The following RBFOX1 variants were observed in gnomAD, a reference collection of about 807,000 sequenced individuals.
RBFOX1 encodes RNA binding fox-1 homolog 1.
Under a neutral mutation model 57.7 loss-of-function variants are expected in RBFOX1, and 8 were observed. The ratio of observed to expected loss-of-function variants is 0.14; its 90% CI spans 0.08 to 0.25. The LOEUF is 0.25. Ranked by LOEUF, RBFOX1 falls within the 10% of genes least tolerant of loss-of-function variation. RBFOX1 has a pLI of 1.00. For synonymous variants in RBFOX1, 326 were observed against 222.4 expected, an observed-to-expected ratio of 1.47 and a Z score of -4.15; for missense variants, 611 against 548.5, an observed-to-expected ratio of 1.11 and a Z score of -1.14.
At chr16:6,019,022 C>G, upstream of RBFOX1, 1 of 902,770 alleles carries the variant, frequency 1.1e-6, no homozygotes, top group Non-Finnish European at 1.3e-6. The surrounding 1 kb of genome is among the most constrained non-coding windows in gnomAD (Gnocchi z 4.2). Context: ...CCCTCGCGCA[C>G]CAGATTATTT....
At chr16:5,440,964 G>A (rs2068066689) in intron 1 of RBFOX1, among the ~76,000 whole-genome samples, 1 of 152,170 alleles carries the variant, frequency 6.6e-6, no homozygotes, top group East Asian at 1.9e-4. Context: ...CTTCTCCCAA[G>A]CAGCAAACTC....
intron 1 of RBFOX1, among the ~76,000 whole-genome samples, chr16:5,249,560 C>G (rs1198224840): frequency 1.3e-5 from 2 of 152,220 alleles, no homozygotes; most frequent in Non-Finnish European, 2.9e-5. Flanking sequence ...CCTTTCCTGC[C>G]TTGGACTCTT....
chr16:6,150,973 T>A (rs946225065), intron 1 of RBFOX1, among the ~76,000 whole-genome samples: 2 of 152,200 alleles, frequency 1.3e-5, no homozygotes, highest in Non-Finnish European at 2.9e-5. Context: ...TCTCCCAGCT[T>A]AGATGTTCCT....
At chr16:6,363,275 C>A in intron 2 of RBFOX1, among the ~76,000 whole-genome samples, 1 of 152,068 alleles carries the variant, frequency 6.6e-6, no homozygotes, top group East Asian at 1.9e-4. Context: ...ACCTGTTGTA[C>A]AACTCAATGG....
chr16:7,594,966 A>C (rs1264101421), intron 7 of RBFOX1, among the ~76,000 whole-genome samples: 1 of 152,200 alleles, frequency 6.6e-6, no homozygotes, highest in Non-Finnish European at 1.5e-5. Flanking sequence ...TATTATAAAA[A>C]AGGTCTTTCC....
At chr16:7,447,628 A>G (rs767281457) in intron 4 of RBFOX1, among the ~76,000 whole-genome samples, 56 of 152,326 alleles carry the variant, frequency 3.7e-4, no homozygotes, top group Non-Finnish European at 7.1e-4. Flanking sequence ...AAAGTGGTCA[A>G]GAGCTGTATC....
intron 4 of RBFOX1, among the ~76,000 whole-genome samples, chr16:7,348,397 A>T (rs866909978): frequency 2.0e-5 from 3 of 148,818 alleles, no homozygotes; most frequent in Admixed American, 6.7e-5. Flanking sequence ...AAATTAATGA[A>T]TTTTTTTTTT....
chr16:5,450,726 C>A (rs1193980847), intron 1 of RBFOX1, among the ~76,000 whole-genome samples: 1 of 152,198 alleles, frequency 6.6e-6, no homozygotes, highest in Non-Finnish European at 1.5e-5. Flanking sequence ...GCTCTGATGC[C>A]TTGCTGGGAG....
chr16:6,891,393 G>A (rs2065377235), intron 3 of RBFOX1, among the ~76,000 whole-genome samples: 1 of 152,030 alleles, frequency 6.6e-6, no homozygotes, highest in South Asian at 2.1e-4. Flanking sequence ...ACCCAGTTCT[G>A]AAAACCCAGA....
chr16:7,583,572 G>A (rs188353085), intron 6 of RBFOX1, among the ~76,000 whole-genome samples: 5 of 152,324 alleles, frequency 3.3e-5, no homozygotes, highest in Non-Finnish European at 5.9e-5. Context: ...CAGATGGATG[G>A]ATGTTCTGGA....
chr16:5,394,666 A>G (rs892480097), intron 1 of RBFOX1, among the ~76,000 whole-genome samples: 1 of 150,452 alleles, frequency 6.6e-6, no homozygotes, highest in African/African-American at 2.5e-5. Context: ...GGCCCAAGCA[A>G]TCCTCCTAAG....
At chr16:7,294,213 T>A (rs937947224) in intron 4 of RBFOX1, among the ~76,000 whole-genome samples, 2 of 152,000 alleles carry the variant, frequency 1.3e-5, no homozygotes, top group Non-Finnish European at 2.9e-5. Context: ...ACTTAGCTGT[T>A]TTTGTCTCTG....
At chr16:6,749,854 T>C (rs901722922) in intron 3 of RBFOX1, among the ~76,000 whole-genome samples, 2 of 152,184 alleles carry the variant, frequency 1.3e-5, no homozygotes, top group Non-Finnish European at 2.9e-5. Flanking sequence ...CTTGAAATAA[T>C]AGTCAGCAGG....
At chr16:6,061,129 A>G (rs1033161479) in intron 1 of RBFOX1, among the ~76,000 whole-genome samples, 3 of 152,176 alleles carry the variant, frequency 2.0e-5, no homozygotes, top group Non-Finnish European at 4.4e-5. Flanking sequence ...CCCTAGTCCA[A>G]TCTGCTGGAC....
At chr16:5,952,718 G>T (rs527700137) in intron 4 of RBFOX1, among the ~76,000 whole-genome samples, 18 of 152,120 alleles carry the variant, frequency 1.2e-4, no homozygotes, top group Admixed American at 3.3e-4. Flanking sequence ...ATTCTTCCAC[G>T]GATGGGCATC....
chr16:7,036,474 GC>G (rs2044464632), intron 3 of RBFOX1, among the ~76,000 whole-genome samples: 1 of 152,008 alleles, frequency 6.6e-6, no homozygotes, highest in Non-Finnish European at 1.5e-5. Context: ...ACTTTGGGAG[GC>G]TGAGGCAGGC....
At chr16:6,710,292 A>T (rs761278415) in intron 3 of RBFOX1, among the ~76,000 whole-genome samples, 1 of 152,232 alleles carries the variant, frequency 6.6e-6, no homozygotes, top group Non-Finnish European at 1.5e-5. Context: ...TTAAAGCTGC[A>T]TATGTACTTT....
intron 3 of RBFOX1, among the ~76,000 whole-genome samples, chr16:5,635,633 A>G (rs1332432361): frequency 7.2e-6 from 1 of 139,014 alleles, no homozygotes; most frequent in African/African-American, 3.2e-5. Context: ...AGTCATTGAC[A>G]TGCATGCAAT....
chr16:6,689,945 G>C (rs968127154), intron 3 of RBFOX1, among the ~76,000 whole-genome samples: 1 of 152,210 alleles, frequency 6.6e-6, no homozygotes, highest in African/African-American at 2.4e-5. Flanking sequence ...AGAGGTGTAA[G>C]AGTTGACTGT....
Sources: allele counts gnomAD v4.1 joint callset (sites outside exome capture counted in the v4.1 genomes callset), GRCh38; gene constraint gnomAD v4.1.1; non-coding constraint Gnocchi (gnomAD v3.1); transcripts MANE v1.5; gene names NCBI Gene and HGNC (gene_info 2026-07-23, HGNC 2026-07-21).